NKAIN2: variants seen among roughly 807,000 people sequenced by gnomAD.
The protein encoded by NKAIN2 is sodium/potassium-transporting ATPase subunit beta-1-interacting protein 2.
Under a neutral mutation model 32.6 loss-of-function variants are expected in NKAIN2, and 14 were observed. That is an observed-to-expected ratio of 0.43 (90% CI 0.28 to 0.67). The LOEUF is 0.67. Among genes scored for constraint, NKAIN2 ranks in the 30% least tolerant of loss-of-function variants. NKAIN2 has a pLI of 0.17. For synonymous variants in NKAIN2, 80 were observed against 87.2 expected (o/e 0.92, Z 0.46); for missense variants, 198 against 258.3 (o/e 0.77, Z 1.60).
At chr6:123,891,924 A>G (rs1410786141) in intron 1 of NKAIN2, among the ~76,000 whole-genome samples, 2 of 152,210 alleles carry the variant, frequency 1.3e-5, no homozygotes, top group Non-Finnish European at 2.9e-5. Flanking sequence ...GATAAACTAC[A>G]TAAAAGAGTG....
intron 3 of NKAIN2, among the ~76,000 whole-genome samples, chr6:124,470,017 A>G (rs1776911175): frequency 6.6e-6 from 1 of 152,198 alleles, no homozygotes; most frequent in African/African-American, 2.4e-5. Flanking sequence ...GCTCAGGGAA[A>G]TTAGGAAAGG....
intron 3 of NKAIN2, among the ~76,000 whole-genome samples, chr6:124,576,521 A>G (rs1008192240): frequency 2.0e-5 from 3 of 152,224 alleles, no homozygotes; most frequent in Admixed American, 2.0e-4. Context: ...GATTCTTAGC[A>G]CTATTAAGAA....
intron 1 of NKAIN2, among the ~76,000 whole-genome samples, chr6:123,810,115 A>G (rs1237059954): frequency 6.6e-6 from 1 of 151,996 alleles, no homozygotes; most frequent in African/African-American, 2.4e-5. Flanking sequence ...CCTATGAGGC[A>G]GGTAATAGAT....
rs150853501 is a variant in NKAIN2, at chr6:124,541,007, C to G, written c.274-117179C>G. ...CATAAACTTGTAAATGGAGGAGCAT[C>G]TGTATATGCCACAGTTTTCCTCTGA... On this transcript the variant is annotated intron_variant, in intron 3 of 6. Coordinates refer to ENST00000368417, the MANE Select transcript of NKAIN2 (RefSeq NM_001040214.3). Among the ~76,000 whole-genome samples the G allele has an allele frequency of 7.2e-4, 109 of 152,226 alleles. No individual in the cohort carries two copies. In the East Asian group the frequency reaches 0.013, roughly 19 times the overall value.
At chr6:124,507,491 A>C (rs1217103970) in intron 3 of NKAIN2, among the ~76,000 whole-genome samples, 1 of 152,118 alleles carries the variant, frequency 6.6e-6, no homozygotes, top group African/African-American at 2.4e-5. Context: ...GCTTGGTTTA[A>C]ATATATGCTT....
intron 1 of NKAIN2, among the ~76,000 whole-genome samples, chr6:123,875,007 T>C (rs1773107290): frequency 6.6e-6 from 1 of 152,066 alleles, no homozygotes; most frequent in Admixed American, 6.6e-5. Flanking sequence ...ATACTGTTTG[T>C]ACTATTTTAT....
intron 1 of NKAIN2, among the ~76,000 whole-genome samples, chr6:123,959,183 A>G (rs911213412): frequency 2.0e-5 from 3 of 152,204 alleles, no homozygotes; most frequent in African/African-American, 7.2e-5. Context: ...ATTAGAGGAT[A>G]GCATTCTCCC....
At chr6:124,437,020 G>T (rs1388715505) in intron 3 of NKAIN2, among the ~76,000 whole-genome samples, 1 of 152,050 alleles carries the variant, frequency 6.6e-6, no homozygotes, top group East Asian at 1.9e-4. Context: ...TTTGGTTTCT[G>T]TCCTTCGAAT....
chr6:124,634,701 T>C (rs1254221840), intron 3 of NKAIN2, among the ~76,000 whole-genome samples: 1 of 152,026 alleles, frequency 6.6e-6, no homozygotes, highest in Admixed American at 6.6e-5. Flanking sequence ...TTTTCCAAGT[T>C]TTAGAAGAGA....
intron 1 of NKAIN2, among the ~76,000 whole-genome samples, chr6:123,885,733 T>C (rs915328895): frequency 6.6e-6 from 1 of 152,032 alleles, no homozygotes; most frequent in Non-Finnish European, 1.5e-5. Context: ...CACATTGATT[T>C]TCTAAAGTAG....
chr6:124,577,732 C>T (rs1781383529), intron 3 of NKAIN2, among the ~76,000 whole-genome samples: 2 of 151,662 alleles, frequency 1.3e-5, no homozygotes, highest in Admixed American at 6.6e-5. Flanking sequence ...CTGGGGCAGC[C>T]AAGGGAGTAC....
At chr6:123,938,408 A>C (rs1361985761) in intron 1 of NKAIN2, among the ~76,000 whole-genome samples, 2 of 2,792 alleles carry the variant, frequency 7.2e-4, no homozygotes, top group South Asian at 0.019. Flanking sequence ...ATATATATAT[A>C]TATATATATA....
At chr6:124,217,781 A>G (rs1791557979) in intron 1 of NKAIN2, among the ~76,000 whole-genome samples, 1 of 110,304 alleles carries the variant, frequency 9.1e-6, no homozygotes, top group Admixed American at 9.1e-5. Flanking sequence ...GTATATATAT[A>G]TATGTACACA....
At chr6:123,955,399 T>G (rs1777525231) in intron 1 of NKAIN2, among the ~76,000 whole-genome samples, 1 of 151,840 alleles carries the variant, frequency 6.6e-6, no homozygotes, top group Admixed American at 6.6e-5. Context: ...ATATAGTCAC[T>G]CTAATCTTTA....
At chr6:124,531,263 AG>A (rs1191752534) in intron 3 of NKAIN2, among the ~76,000 whole-genome samples, 1 of 152,236 alleles carries the variant, frequency 6.6e-6, no homozygotes, top group East Asian at 1.9e-4. Flanking sequence ...AAGCCTGAGC[AG>A]ACTAAGATGC....
intron 3 of NKAIN2, among the ~76,000 whole-genome samples, chr6:124,596,596 A>G (rs1335555443): frequency 6.6e-6 from 1 of 151,676 alleles, no homozygotes; most frequent in African/African-American, 2.4e-5. Context: ...AACAGTGGAG[A>G]TTTCTCTTGT....
intron 1 of NKAIN2, among the ~76,000 whole-genome samples, chr6:123,854,777 A>G (rs551446752): frequency 6.2e-4 from 95 of 152,288 alleles, no homozygotes; most frequent in African/African-American, 2.2e-3. Flanking sequence ...GGGTGCCCTC[A>G]CTGAACTTTT....
chr6:124,678,036 C>T (rs1050497624), intron 4 of NKAIN2, among the ~76,000 whole-genome samples: 3 of 151,930 alleles, frequency 2.0e-5, no homozygotes, highest in South Asian at 2.1e-4. Flanking sequence ...AATATATTAT[C>T]CCACTCCCTT....
chr6:124,751,120 A>G (rs894853220), intron 4 of NKAIN2, among the ~76,000 whole-genome samples: 2 of 152,020 alleles, frequency 1.3e-5, no homozygotes, highest in African/African-American at 4.8e-5. Flanking sequence ...AATTTTTGGA[A>G]TCTTCTTGAA....
Sources: allele counts gnomAD v4.1 joint callset (sites outside exome capture counted in the v4.1 genomes callset), GRCh38; gene constraint gnomAD v4.1.1; transcripts MANE v1.5; gene names NCBI Gene and HGNC (gene_info 2026-07-23, HGNC 2026-07-21).